The following HACD4 variants were observed in gnomAD, a reference collection of about 807,000 sequenced individuals.
HACD4 encodes the protein very-long-chain (3R)-3-hydroxyacyl-CoA dehydratase 4.
Under a neutral mutation model 33.3 loss-of-function variants are expected in HACD4, and 35 were observed. The ratio of observed to expected loss-of-function variants is 1.05; its 90% CI spans 0.80 to 1.39. The LOEUF is 1.39. HACD4 is among the 40% of genes most tolerant of loss of function. The probability of loss-of-function intolerance (pLI) is 0.00; values close to 1 mark genes in which losing one functional copy is unlikely to be tolerated. For synonymous variants in HACD4, 118 were observed against 98.0 expected, an observed-to-expected ratio of 1.20 and a Z score of -1.21; for missense variants, 323 against 276.5, an observed-to-expected ratio of 1.17 and a Z score of -1.19.
chr9:21,021,955 C>G (rs1817925466), intron 3 of HACD4, among the ~76,000 whole-genome samples: 1 of 152,150 alleles, frequency 6.6e-6, no homozygotes, highest in African/African-American at 2.4e-5. Flanking sequence ...AAGCTAGAGG[C>G]ATCACGCTAC....
rs112939129 is a variant in HACD4, at chr9:21,023,952, G to C, written c.270+2644C>G. 4.0e-3 allele frequency among the ~76,000 whole-genome samples: 615 copies of C among 152,310 alleles called. 5 individuals are homozygous for C. Among genetic ancestry groups the C allele is most frequent in the Non-Finnish European group, 7.1e-3 (482 of 68,030 alleles). On this transcript the variant is annotated intron_variant, in intron 3 of 6. Transcript: ENST00000495827. ...ACATGGTTTTTTAGCTTACTTAAAA[G>C]CAGCCACTCTCTTAACTACAGTTTC...
rs1049100205 is a variant in HACD4 at position 21,031,436 on chromosome 9, G to A, written c.38+117C>T. The A allele has an allele frequency of 3.1e-5, 42 of 1,341,436 alleles. No individual in the cohort carries two copies. In the East Asian group the frequency reaches 7.3e-4, roughly 23 times the overall value. The allele number at this position is 1,341,436 out of a possible 1,614,324, so 83.1% of individuals were successfully genotyped here. On this transcript the variant is annotated intron_variant, in intron 1 of 6. Transcript: ENST00000495827. ...CCAAGGGGTGCCTGGGCACGGTAGCGCTGCGCCTTGCTGGCGGGCGGGGGG... is the reference window on the plus strand; with the variant it reads ...CCAAGGGGTGCCTGGGCACGGTAGCACTGCGCCTTGCTGGCGGGCGGGGGG...
chr9:21,028,290 G>A (rs1270896489), intron 2 of HACD4, among the ~76,000 whole-genome samples: 1 of 152,104 alleles, frequency 6.6e-6, no homozygotes, highest in African/African-American at 2.4e-5. Context: ...TGCCTGCACT[G>A]CCTCAGCAAA....
intron 2 of HACD4, among the ~76,000 whole-genome samples, 193 bp downstream of exon 2, chr9:21,029,102 C>A (rs983411396): frequency 1.3e-5 from 2 of 152,148 alleles, no homozygotes; most frequent in Non-Finnish European, 2.9e-5. Flanking sequence ...AGGGGGAAGC[C>A]AAATCCCTTT....
intron 3 of HACD4, among the ~76,000 whole-genome samples, chr9:21,025,113 G>C (rs1191837549): frequency 6.6e-6 from 1 of 152,156 alleles, no homozygotes; most frequent in East Asian, 1.9e-4. Flanking sequence ...TTCCATCTAG[G>C]TCTTAGCTAG....
chr9:21,031,496 C>A (rs1275865106), intron 1 of HACD4, 57 bp downstream of exon 1: 3 of 1,438,706 alleles, frequency 2.1e-6, no homozygotes, highest in Non-Finnish European at 2.7e-6. Flanking sequence ...GGGGAGCTCC[C>A]GCCTCCAGGC....
At chr9:21,015,167 A>C (rs1842526918) in intron 4 of HACD4, 1 of 152,238 alleles carries the variant, frequency 6.6e-6, no homozygotes, top group African/African-American at 2.4e-5. Context: ...AATTCAGTTA[A>C]GTTATTGACA....
Position 21,029,324 on chromosome 9 carries a change from A to G in HACD4, c.113T>C (p.Met38Thr). The change falls in exon 2 of 7, where the codon ATG (methionine) becomes ACG (threonine). Residue 38 changes from methionine (M) to threonine (T), a missense_variant. Coordinates refer to ENST00000495827, the MANE Select transcript of HACD4 (RefSeq NM_001010915.5). ...FCGHSWIFTNMTVRFFSFGKD... is the reference protein window; with the variant it reads ...FCGHSWIFTNTTVRFFSFGKD... ...TCCAAATGAAAAGAATCTGACTGTC[A>G]TATTTGTAAATATCCAAGAGTGGCC... is the stretch of plus-strand genomic sequence containing the variant. 2 of 1,594,758 alleles carry G rather than the reference A, an allele frequency of 1.3e-6. No individual in the cohort carries two copies. Among genetic ancestry groups the G allele is most frequent in the South Asian group, 2.2e-5 (2 of 89,172 alleles).
In HACD4 at chr9:21,031,595, C is replaced by A. The variant is rs972761844; in HGVS notation, c.-5G>T. The A allele has an allele frequency of 1.4e-6, 2 of 1,430,024 alleles. No homozygotes were observed. Among genetic ancestry groups the A allele is most frequent in the Non-Finnish European group, 9.1e-7 (1 of 1,097,288 alleles). The allele number at this position is 1,430,024 out of a possible 1,614,324, so 88.6% of individuals were successfully genotyped here. On this transcript the variant is annotated 5_prime_UTR_variant, in exon 1 of 7. Coordinates refer to ENST00000495827, the MANE Select transcript of HACD4 (RefSeq NM_001010915.5). ...GGGCAGCGCCAAGGGCCCCATGGGC[C>A]GCCGCCGCCAGGGCTTCCAGCGCGG...
intron 4 of HACD4, among the ~76,000 whole-genome samples, chr9:21,014,803 TAG>T: frequency 6.6e-6 from 1 of 152,348 alleles, no homozygotes; most frequent in South Asian, 2.1e-4. Flanking sequence ...GGGTTTCATC[TAG>T]AGAGATCTTC....
chr9:21,006,220 G>A lies in HACD4; in HGVS notation c.*817C>T, dbSNP rs1425181693. 1 of 152,130 alleles carries A rather than the reference G, an allele frequency of 6.6e-6. No individual in the cohort carries two copies. Among genetic ancestry groups the A allele is most frequent in the African/African-American group, 2.4e-5 (1 of 41,408 alleles). 9.4% of individuals were successfully genotyped at this position (152,130 alleles called of 1,614,324 possible). A position where few individuals can be genotyped will look rare whatever the true frequency, so the allele number is the denominator to read the frequency against. On this transcript the variant is annotated 3_prime_UTR_variant, in exon 7 of 7. Transcript: ENST00000495827. This position sits in a 1 kb window ranked among gnomAD's most constrained non-coding sequence, Gnocchi z 4.6. ...TCCAATATGATGGTATTTGGAGGTG[G>A]GGCCATTGGGAGGTAATTAGATCAT...
At chr9:21,012,776 C>T (rs1842466792) in intron 4 of HACD4, among the ~76,000 whole-genome samples, 1 of 152,116 alleles carries the variant, frequency 6.6e-6, no homozygotes, top group Admixed American at 6.5e-5. Flanking sequence ...TTAAAAGCCA[C>T]TTTTGGCCAG....
chr9:21,016,080 A>G, intron 3 of HACD4, 70 bp from the exon 4 acceptor site: 1 of 996,088 alleles, frequency 1.0e-6, no homozygotes, highest in Non-Finnish European at 1.6e-6. Context: ...TCTAATTTTG[A>G]AAACCAGATC....
chr9:21,030,965 A>G (rs1158461347), intron 1 of HACD4, among the ~76,000 whole-genome samples: 1 of 152,212 alleles, frequency 6.6e-6, no homozygotes, highest in Non-Finnish European at 1.5e-5. Context: ...GAAACCTCCT[A>G]GAAACAAGGA....
At chr9:21,029,161 A>G in intron 2 of HACD4, 134 bp downstream of exon 2, 1 of 583,848 alleles carries the variant, frequency 1.7e-6, no homozygotes, top group Middle Eastern at 4.6e-4. Flanking sequence ...TTTGCAATAA[A>G]CATGGTTGCT....
rs1287908452 is a variant in HACD4 at position 21,006,692 on chromosome 9, T to C, written c.*345A>G. On this transcript the variant is annotated 3_prime_UTR_variant, in exon 7 of 7. Coordinates refer to ENST00000495827, the MANE Select transcript of HACD4 (RefSeq NM_001010915.5). This position sits in a 1 kb window ranked among gnomAD's most constrained non-coding sequence, Gnocchi z 4.6. Reference sequence around the variant, plus strand: ...ATACATGTAATTTAGGTTATCAAGTTTGGTTTCTTAATTTAATTGAATCTA... The same window carrying C: ...ATACATGTAATTTAGGTTATCAAGTCTGGTTTCTTAATTTAATTGAATCTA... 1.6e-5 allele frequency: 4 copies of C among 250,054 alleles called. No homozygotes were observed. The highest frequency in any genetic ancestry group is 3.1e-5 in the Non-Finnish European group (4 of 129,854). The allele number at this position is 250,054 out of a possible 1,614,324, so 15.5% of individuals were successfully genotyped here.
Position 21,031,569 on chromosome 9 carries a change from CGGGCAGCGCCAA to C in HACD4, c.10_21del (p.Leu4_Pro7del). 6.9e-7 allele frequency: 1 copy of C among 1,452,444 alleles called. No individual in the cohort carries two copies. The highest frequency in any genetic ancestry group is 9.0e-7 in the Non-Finnish European group (1 of 1,108,632). 90.0% of individuals were successfully genotyped at this position (1,452,444 alleles called of 1,614,324 possible). A position where few individuals can be genotyped will look rare whatever the true frequency, so the allele number is the denominator to read the frequency against. ...GCGCCCTACCTGGGCTGCAGCCAGG[CGGGCAGCGCCAA>C]GGGCCCCATGGGCCGCCGCCGCCAG... On this transcript the variant is annotated inframe_deletion, in exon 1 of 7. Transcript: ENST00000495827.
At chr9:21,014,640 G>A (rs1842514022) in intron 4 of HACD4, among the ~76,000 whole-genome samples, 1 of 152,078 alleles carries the variant, frequency 6.6e-6, no homozygotes. Flanking sequence ...AGTGATGATT[G>A]CACATCTCTT....
At chr9:21,026,500 G>T in intron 3 of HACD4, 96 bp downstream of exon 3, 1 of 974,994 alleles carries the variant, frequency 1.0e-6, no homozygotes, top group Non-Finnish European at 1.5e-6. Flanking sequence ...TAAGACAAGG[G>T]TTGGCTTTCT....
Sources: gnomAD v4.1 joint callset for allele counts (sites outside exome capture counted in the v4.1 genomes callset) on GRCh38, gnomAD v4.1.1 for gene constraint, Gnocchi (gnomAD v3.1) non-coding constraint, MANE v1.5 for transcripts, NCBI Gene and HGNC (gene_info 2026-07-23, HGNC 2026-07-21) for gene names.